Variants in CSMD1 observed in about 807,000 individuals in gnomAD.
The protein encoded by CSMD1 is CUB and sushi domain-containing protein 1.
Under a neutral mutation model 417.5 loss-of-function variants are expected in CSMD1, and 213 were observed. The ratio of observed to expected loss-of-function variants is 0.51; its 90% CI spans 0.46 to 0.57. The LOEUF (loss-of-function observed/expected upper bound fraction) is 0.57. Ranked by LOEUF, CSMD1 falls within the 20% of genes least tolerant of loss-of-function variation. CSMD1 has a pLI of 0.00. For missense variants in CSMD1, 6,923 were observed against 4,529.7 expected (o/e 1.53, Z -15.17); for synonymous variants, 2,862 against 1,736.8 (o/e 1.65, Z -16.11).
chr8:4,722,232 A>G (rs1410006229), intron 1 of CSMD1, among the ~76,000 whole-genome samples: 1 of 152,126 alleles, frequency 6.6e-6, no homozygotes, highest in East Asian at 1.9e-4. Context: ...TTGCTTGAGT[A>G]CACTTATTTG....
At chr8:4,534,118 T>C (rs150011798) in intron 2 of CSMD1, among the ~76,000 whole-genome samples, 1 of 152,290 alleles carries the variant, frequency 6.6e-6, no homozygotes, top group Admixed American at 6.5e-5. Context: ...AATCTTAAGC[T>C]ATCTTAATGG....
At chr8:3,662,416 C>T (rs1479935316) in intron 7 of CSMD1, among the ~76,000 whole-genome samples, 3 of 152,180 alleles carry the variant, frequency 2.0e-5, no homozygotes, top group Non-Finnish European at 1.5e-5. Context: ...CTCCATGCCA[C>T]ATTTTCTTTA....
chr8:4,843,216 C>A (rs1329272964), intron 1 of CSMD1, among the ~76,000 whole-genome samples: 3 of 152,134 alleles, frequency 2.0e-5, no homozygotes, highest in Non-Finnish European at 2.9e-5. Context: ...GAACAGGGCG[C>A]TTTCCTGCAT....
chr8:4,844,079 G>A (rs1212178177), intron 1 of CSMD1, among the ~76,000 whole-genome samples: 1 of 152,140 alleles, frequency 6.6e-6, no homozygotes, highest in Non-Finnish European at 1.5e-5. Context: ...TATCTTTAGG[G>A]GAAAAATAAT....
At chr8:3,435,954 C>T (rs1201451597) in intron 12 of CSMD1, among the ~76,000 whole-genome samples, 1 of 152,196 alleles carries the variant, frequency 6.6e-6, no homozygotes, top group Non-Finnish European at 1.5e-5. Context: ...AGATGCAATC[C>T]ATGCCATTTC....
At chr8:4,127,164 G>A (rs767417814) in intron 3 of CSMD1, among the ~76,000 whole-genome samples, 2 of 151,964 alleles carry the variant, frequency 1.3e-5, no homozygotes, top group Non-Finnish European at 2.9e-5. Context: ...CAGAAACAAA[G>A]GATATTTAAA....
At chr8:4,074,821 C>G (rs559587134) in intron 3 of CSMD1, among the ~76,000 whole-genome samples, 2 of 152,006 alleles carry the variant, frequency 1.3e-5, no homozygotes, top group Admixed American at 6.6e-5. Context: ...TTCCATGATG[C>G]CTTTTTCTTG....
chr8:4,582,752 C>T (rs991292701), intron 2 of CSMD1, among the ~76,000 whole-genome samples: 13 of 152,222 alleles, frequency 8.5e-5, no homozygotes, highest in South Asian at 4.1e-4. Flanking sequence ...TTTGGCCCAC[C>T]GCTGCACTGT....
intron 1 of CSMD1, among the ~76,000 whole-genome samples, chr8:4,733,683 C>G (rs906142720): frequency 5.9e-5 from 9 of 152,226 alleles, no homozygotes; most frequent in African/African-American, 2.2e-4. Context: ...CACTGACTAC[C>G]TATTTTTCCT....
intron 2 of CSMD1, among the ~76,000 whole-genome samples, chr8:4,564,938 G>A (rs1173826612): frequency 2.6e-5 from 4 of 152,276 alleles, no homozygotes; most frequent in South Asian, 2.1e-4. Context: ...GGCTTTTCTA[G>A]TGTTATGAAT....
chr8:4,694,291 C>G lies in CSMD1; in HGVS notation c.86-56733G>C, dbSNP rs1806970340. Among the ~76,000 whole-genome samples, 5 of 152,290 alleles carry G rather than the reference C, an allele frequency of 3.3e-5. No homozygotes were observed. The South Asian group carries it at 1.0e-3, about 32-fold the overall frequency. On this transcript the variant is annotated intron_variant, in intron 1 of 69. Transcript: ENST00000635120. ...TCTACCTATGACATGGAAGCCCCCTCCCTGCTTGAAGTTGTCCTGCCTTTC... is the reference window on the plus strand; with the variant it reads ...TCTACCTATGACATGGAAGCCCCCTGCCTGCTTGAAGTTGTCCTGCCTTTC...
rs113969868 is a variant in CSMD1 at position 3,519,516 on chromosome 8, C to T, written c.1345-25790G>A. Among the ~76,000 whole-genome samples the T allele has an allele frequency of 3.7e-3, 562 of 152,262 alleles. 3 individuals are homozygous for T. Among genetic ancestry groups the T allele is most frequent in the African/African-American group, 0.013 (533 of 41,564 alleles). ...AACTCCAGCCAGCTTGTCTAGTATA[C>T]AGCACAGTGTCAGAAAGCTCATTTT... On this transcript the variant is annotated intron_variant, in intron 10 of 69. Coordinates refer to ENST00000635120, the MANE Select transcript of CSMD1 (RefSeq NM_033225.6).
chr8:3,103,793 G>A (rs185038518), intron 46 of CSMD1, among the ~76,000 whole-genome samples: 1 of 151,682 alleles, frequency 6.6e-6, no homozygotes, highest in Admixed American at 6.6e-5. Flanking sequence ...GCCCAGGCTG[G>A]AGTGCAATGG....
chr8:4,061,989 C>G (rs1030111388), intron 3 of CSMD1, among the ~76,000 whole-genome samples: 10 of 152,052 alleles, frequency 6.6e-5, no homozygotes, highest in African/African-American at 2.2e-4. Context: ...CCCCTGCTGC[C>G]CTGTCTGAGA....
Position 3,182,229 on chromosome 8 carries a change from A to G in CSMD1, c.5621-1015T>C, listed in dbSNP as rs141321333. 1.1e-4 allele frequency among the ~76,000 whole-genome samples: 17 copies of G among 151,694 alleles called. No homozygotes were observed. In the East Asian group the frequency reaches 3.3e-3, roughly 29 times the overall value. On this transcript the variant is annotated intron_variant, in intron 36 of 69. Transcript: ENST00000635120. The stretch of plus-strand genomic sequence containing the variant: ...GTCTATCATCCTTAGCTCACCACTT[A>G]AACTATCCAATATCCCCCAACAGAT...
At chr8:4,072,040 G>A (rs1245376177) in intron 3 of CSMD1, among the ~76,000 whole-genome samples, 2 of 152,318 alleles carry the variant, frequency 1.3e-5, no homozygotes, top group Non-Finnish European at 2.9e-5. Context: ...GAAAGTGGAT[G>A]TTAGGATAGA....
chr8:3,687,872 G>C (rs1253225071), intron 7 of CSMD1, among the ~76,000 whole-genome samples: 2 of 152,338 alleles, frequency 1.3e-5, no homozygotes, highest in South Asian at 2.1e-4. Flanking sequence ...GAGGACCAGA[G>C]TCCGTACTGA....
intron 3 of CSMD1, among the ~76,000 whole-genome samples, chr8:4,219,637 C>G (rs1366340929): frequency 6.6e-6 from 1 of 152,186 alleles, no homozygotes; most frequent in Non-Finnish European, 1.5e-5. Flanking sequence ...TTAAGCAAAT[C>G]TTTGTTCACT....
At position 2,938,551 on chromosome 8, in the gene CSMD1, T is replaced by C; in HGVS notation, c.*34A>G. 2 of 1,587,626 alleles carry C rather than the reference T, an allele frequency of 1.3e-6. No homozygotes were observed. The highest frequency in any genetic ancestry group is 1.7e-6 in the Non-Finnish European group (2 of 1,164,606). Reference sequence around the variant, plus strand: ...AATCACTGCTTGTCCATCAGAGGTATGGCTATGAATCAGTCCTGTTGGGGC... The same window carrying C: ...AATCACTGCTTGTCCATCAGAGGTACGGCTATGAATCAGTCCTGTTGGGGC... On this transcript the variant is annotated 3_prime_UTR_variant, in exon 70 of 70. Coordinates refer to ENST00000635120, the MANE Select transcript of CSMD1 (RefSeq NM_033225.6).
Sources: allele counts gnomAD v4.1 joint callset (sites outside exome capture counted in the v4.1 genomes callset), GRCh38; gene constraint gnomAD v4.1.1; transcripts MANE v1.5; gene names NCBI Gene and HGNC (gene_info 2026-07-23, HGNC 2026-07-21).